Variants in ZNF131 observed in about 807,000 individuals in gnomAD.
ZNF131 encodes the protein zinc finger and BTB domain containing 35.
Under a neutral mutation model 60.0 loss-of-function variants are expected in ZNF131, and 7 were observed. The observed-to-expected ratio is 0.12, with a 90% CI of 0.07 to 0.22. The LOEUF is 0.22. ZNF131 is among the 10% of genes least tolerant of loss of function. The probability of loss-of-function intolerance (pLI) is 1.00; values close to 1 mark genes in which losing one functional copy is unlikely to be tolerated. For synonymous variants in ZNF131, 257 were observed against 253.2 expected (o/e 1.01, Z -0.14); for missense variants, 493 against 740.9 (o/e 0.67, Z 3.88).
intron 3 of ZNF131, among the ~76,000 whole-genome samples, chr5:43,136,656 T>C (rs1317849556): frequency 1.4e-5 from 2 of 147,792 alleles, no homozygotes; most frequent in African/African-American, 4.9e-5. Flanking sequence ...TTTTCTTTTT[T>C]TTTTTTTTTT....
At position 43,167,209 on chromosome 5, in the gene ZNF131, A is replaced by G. The variant is rs185334390; in HGVS notation, c.1054+5278A>G. 3.9e-5 allele frequency among the ~76,000 whole-genome samples: 6 copies of G among 152,364 alleles called. No individual in the cohort carries two copies. The East Asian group carries it at 9.6e-4, about 24-fold the overall frequency. On this transcript the variant is annotated intron_variant, in intron 5 of 6. Transcript: ENST00000682664. ...CAAAGATCACTGATCACAGATCATTATAAGACATAATTTAAAAATTTAAAT... is the reference window on the plus strand; with the variant it reads ...CAAAGATCACTGATCACAGATCATTGTAAGACATAATTTAAAAATTTAAAT...
At chr5:43,146,310 G>A (rs938543859) in intron 4 of ZNF131, among the ~76,000 whole-genome samples, 2 of 152,158 alleles carry the variant, frequency 1.3e-5, no homozygotes, top group Admixed American at 6.5e-5. Context: ...GCGTATGGCC[G>A]GGCGCGGTGG....
At chr5:43,170,078 A>G (rs1750797711) in intron 5 of ZNF131, among the ~76,000 whole-genome samples, 1 of 152,146 alleles carries the variant, frequency 6.6e-6, no homozygotes. Flanking sequence ...ATATCTTGAC[A>G]AAGATTATCA....
intron 4 of ZNF131, among the ~76,000 whole-genome samples, chr5:43,159,713 A>C (rs1749405745): frequency 6.6e-6 from 1 of 150,444 alleles, no homozygotes; most frequent in Non-Finnish European, 1.5e-5. Context: ...AAAAAAAAAA[A>C]CCAAACAAAA....
intron 4 of ZNF131, among the ~76,000 whole-genome samples, chr5:43,144,201 C>T (rs1368811835): frequency 3.5e-5 from 5 of 143,804 alleles, no homozygotes; most frequent in African/African-American, 7.6e-5. Flanking sequence ...GGATTACAGG[C>T]GTGAGCCACG....
chr5:43,147,394 C>CT (rs769222605), intron 4 of ZNF131, among the ~76,000 whole-genome samples: 6 of 151,126 alleles, frequency 4.0e-5, no homozygotes, highest in South Asian at 2.1e-4. Context: ...TTTTTTAAAT[C>CT]TTTTTTTTAT....
At position 43,138,423 on chromosome 5, in the gene ZNF131, C is replaced by T. The variant is rs529282659; in HGVS notation, c.227-742C>T. 5.3e-5 allele frequency among the ~76,000 whole-genome samples: 8 copies of T among 152,042 alleles called. No individual in the cohort carries two copies. The South Asian group carries it at 6.2e-4, about 12-fold the overall frequency. ...AATCCCAGCACTTTGGGAGGCTGAT[C>T]GGGCAGATCACTTGAGGTCGGGAGT... On this transcript the variant is annotated intron_variant, in intron 3 of 6. Coordinates refer to ENST00000682664, the MANE Select transcript of ZNF131 (RefSeq NM_001330707.2).
Position 43,175,126 on chromosome 5 carries a change from T to G in ZNF131, c.1865T>G (p.Leu622Ter). ...GAGGACAGAACAGCTCTGCCAGTTT[T>G]AGAATGAAATTACACATGAATATAT... ...ENEDRTALPV[L>*]E The change falls in exon 7 of 7, where the codon TTA becomes TGA. Residue 622 changes from leucine (L) to a stop codon, truncating the protein, a stop_gained. Transcript: ENST00000682664. LOFTEE classifies it high-confidence loss of function. 1 of 1,603,766 alleles carries G rather than the reference T, an allele frequency of 6.2e-7. No individual in the cohort carries two copies. The highest frequency in any genetic ancestry group is 1.1e-5 in the South Asian group (1 of 89,360).
chr5:43,127,715 T>G (rs1428828412), intron 3 of ZNF131, among the ~76,000 whole-genome samples: 1 of 152,242 alleles, frequency 6.6e-6, no homozygotes, highest in East Asian at 1.9e-4. Context: ...CATCTTTGAC[T>G]TCAAATCAGA....
At chr5:43,135,522 G>GCATATCACAA (rs1383229805) in intron 3 of ZNF131, among the ~76,000 whole-genome samples, 2 of 151,530 alleles carry the variant, frequency 1.3e-5, no homozygotes, top group East Asian at 2.0e-4. Flanking sequence ...GCGGAGGCGG[G>GCATATCACAA]TGGATTGCTT....
At position 43,173,112 on chromosome 5, in the gene ZNF131, A is replaced by G. The variant is rs569703883; in HGVS notation, c.1055-206A>G. On this transcript the variant is annotated intron_variant, in intron 5 of 6. Transcript: ENST00000682664. Reference sequence around the variant, plus strand: ...TATATTTATCTTTGTCAAAGCATATATACAGTTAAATATTAAATTTTATTA... The same window carrying G: ...TATATTTATCTTTGTCAAAGCATATGTACAGTTAAATATTAAATTTTATTA... The G allele has an allele frequency of 4.4e-5, 19 of 436,742 alleles. No individual in the cohort carries two copies. In the East Asian group the frequency reaches 6.4e-4, roughly 15 times the overall value. The allele number at this position is 436,742 out of a possible 1,614,324, so 27.1% of individuals were successfully genotyped here.
chr5:43,168,125 T>C (rs1750583764), intron 5 of ZNF131: 2 of 326,868 alleles, frequency 6.1e-6, no homozygotes, highest in South Asian at 5.2e-5. Context: ...CATTGATCCA[T>C]GAATGGATTA....
At chr5:43,159,072 A>G (rs1561432622) in intron 4 of ZNF131, among the ~76,000 whole-genome samples, 4 of 152,198 alleles carry the variant, frequency 2.6e-5, no homozygotes. Flanking sequence ...CAAGTCCCAC[A>G]AGAGTGACAT....
At chr5:43,167,054 AGAG>A (rs1256596029) in intron 5 of ZNF131, among the ~76,000 whole-genome samples, 1 of 152,170 alleles carries the variant, frequency 6.6e-6, no homozygotes, top group Non-Finnish European at 1.5e-5. Flanking sequence ...TAGAGAGACT[AGAG>A]GAGAGAGGGA....
rs779137213 is a variant in ZNF131 at position 43,161,339 on chromosome 5, C to T, written c.462C>T (p.Ile154=). 11 of 1,614,210 alleles carry T rather than the reference C, an allele frequency of 6.8e-6. No homozygotes were observed. The highest frequency in any genetic ancestry group is 5.0e-5 in the Admixed American group (3 of 60,024). ...KRKIAETSNV[I]TESLPSAESE... Reference sequence around the variant, plus strand: ...AGATTGCAGAAACTTCAAATGTTATCACTGAGTCATTGCCATCTGCAGAAT... The same window carrying T: ...AGATTGCAGAAACTTCAAATGTTATTACTGAGTCATTGCCATCTGCAGAAT... Residue 154 remains isoleucine (I), a synonymous_variant, in exon 5 of 7, where the codon ATC becomes ATT. Coordinates refer to ENST00000682664, the MANE Select transcript of ZNF131 (RefSeq NM_001330707.2).
intron 3 of ZNF131, among the ~76,000 whole-genome samples, chr5:43,134,329 C>T (rs1745741785): frequency 6.6e-6 from 1 of 152,140 alleles, no homozygotes; most frequent in Admixed American, 6.6e-5. Context: ...AATACCCTTT[C>T]TCAGTAAAAA....
rs1214805219 is a variant in ZNF131 at position 43,173,299 on chromosome 5, C to CT, written c.1055-13dup. The CT allele has an allele frequency of 2.6e-6, 4 of 1,512,790 alleles. No individual in the cohort carries two copies. Among genetic ancestry groups the CT allele is most frequent in the African/African-American group, 2.7e-5 (2 of 72,850 alleles). 93.7% of individuals were successfully genotyped at this position (1,512,790 alleles called of 1,614,324 possible). A position where few individuals can be genotyped will look rare whatever the true frequency, so the allele number is the denominator to read the frequency against. On this transcript the variant is annotated intron_variant, in intron 5 of 6. Coordinates refer to ENST00000682664, the MANE Select transcript of ZNF131 (RefSeq NM_001330707.2). ...GATTTTTCTTAATTTGCCAACGTAT[C>CT]TTTTTTCCCCTCTAATAGGTGAAAA... is the stretch of plus-strand genomic sequence containing the variant.
intron 3 of ZNF131, among the ~76,000 whole-genome samples, chr5:43,126,564 G>T (rs1233526681): frequency 3.3e-5 from 5 of 152,098 alleles, no homozygotes; most frequent in South Asian, 4.1e-4. Context: ...GTTTCTTTTC[G>T]TGGTTCTTTG....
At chr5:43,134,489 G>A (rs963452645) in intron 3 of ZNF131, among the ~76,000 whole-genome samples, 1 of 151,982 alleles carries the variant, frequency 6.6e-6, no homozygotes, top group Non-Finnish European at 1.5e-5. Context: ...ATATAGTACT[G>A]GAAATCCTCG....
Sources: gnomAD v4.1 joint callset for allele counts (sites outside exome capture counted in the v4.1 genomes callset) on GRCh38, gnomAD v4.1.1 for gene constraint, MANE v1.5 for transcripts, NCBI Gene and HGNC (gene_info 2026-07-23, HGNC 2026-07-21) for gene names.